Variants in ATP11C observed in about 807,000 individuals in gnomAD.
The protein encoded by ATP11C is phospholipid-transporting ATPase IG.
In ATP11C, 36 loss-of-function variants were observed where a neutral mutation model predicts 97.4. That is an observed-to-expected ratio of 0.37 (90% CI 0.28 to 0.49). ATP11C has a LOEUF of 0.49. ATP11C is among the 20% of genes least tolerant of loss of function. ATP11C has a pLI of 0.98. For synonymous variants in ATP11C, 275 were observed against 290.9 expected (o/e 0.95, Z 0.56); for missense variants, 730 against 824.6 (o/e 0.89, Z 1.40).
chrX:139,846,006 T>C lies in ATP11C; in HGVS notation c.28-19183A>G, dbSNP rs190948131. Among the ~76,000 whole-genome samples, 3 of 112,200 alleles carry C rather than the reference T, an allele frequency of 2.7e-5. No homozygotes were observed. The East Asian group carries it at 8.4e-4, about 31-fold the overall frequency. ...GGGGATCTCTGTCACATAAACTTCA[T>C]TATGGATCTTCGGGTTTCACTATGA... On this transcript the variant is annotated intron_variant, in intron 1 of 29. Transcript: ENST00000682941.
chrX:139,762,796 GA>G (rs11409380), intron 21 of ATP11C, among the ~76,000 whole-genome samples: 1 of 109,936 alleles, frequency 9.1e-6, no homozygotes, highest in Non-Finnish European at 1.9e-5. Flanking sequence ...CCAGAGAAGG[GA>G]AAAAAAATGG....
chrX:139,799,644 C>CTTTTTTTTTT (rs754371113), intron 8 of ATP11C, among the ~76,000 whole-genome samples: 12 of 60,369 alleles, frequency 2.0e-4, no homozygotes, highest in African/African-American at 3.2e-4. Context: ...CTTTATATTC[C>CTTTTTTTTTT]TTTTTTTTTT....
chrX:139,907,432 G>C (rs2084997412), intron 1 of ATP11C, among the ~76,000 whole-genome samples: 1 of 111,633 alleles, frequency 9.0e-6, no homozygotes, highest in African/African-American at 3.3e-5. Context: ...AACACAGCCT[G>C]GAATGGTGGA....
intron 2 of ATP11C, among the ~76,000 whole-genome samples, chrX:139,824,895 C>T (rs1360200306): frequency 9.0e-6 from 1 of 111,352 alleles, no homozygotes; most frequent in African/African-American, 3.3e-5. Context: ...TGGAAGGCAG[C>T]TAACATATTC....
Position 139,770,862 on chromosome X carries a change from T to G in ATP11C, c.2217-2428A>C, listed in dbSNP as rs910238497. On this transcript the variant is annotated intron_variant, in intron 19 of 29. Coordinates refer to ENST00000682941, the MANE Select transcript of ATP11C (RefSeq NM_001353812.2). The stretch of plus-strand genomic sequence containing the variant: ...TGCTATAGACTGAATTGTGTTCCCC[T>G]GCAAATTCATGCTGAAGCCCTACCC... Among the ~76,000 whole-genome samples, 4 of 111,987 alleles carry G rather than the reference T, an allele frequency of 3.6e-5. No individual in the cohort carries two copies. The East Asian group carries it at 1.1e-3, about 31-fold the overall frequency.
chrX:139,862,089 G>C (rs1311172050), intron 1 of ATP11C, among the ~76,000 whole-genome samples: 1 of 111,338 alleles, frequency 9.0e-6, no homozygotes, highest in Non-Finnish European at 1.9e-5. Context: ...ATTTCTACAT[G>C]GTTGTATTTA....
At chrX:139,887,780 G>A (rs1178131301) in intron 1 of ATP11C, among the ~76,000 whole-genome samples, 1 of 110,218 alleles carries the variant, frequency 9.1e-6, no homozygotes, top group Non-Finnish European at 1.9e-5. Context: ...CAACCAGCCT[G>A]GGCAACAAGG....
chrX:139,839,472 T>A (rs2083795827), intron 1 of ATP11C, among the ~76,000 whole-genome samples: 1 of 111,855 alleles, frequency 8.9e-6, no homozygotes, highest in African/African-American at 3.3e-5. Flanking sequence ...ATTCAACCAA[T>A]ATTTATTGAG....
intron 1 of ATP11C, among the ~76,000 whole-genome samples, chrX:139,890,243 C>T (rs2084706720): frequency 9.0e-6 from 1 of 111,226 alleles, no homozygotes; most frequent in South Asian, 3.8e-4. Flanking sequence ...ATGGTCAAAA[C>T]AGTGTGGTTT....
At chrX:139,859,213 G>C (rs1479753080) in intron 1 of ATP11C, among the ~76,000 whole-genome samples, 1 of 111,761 alleles carries the variant, frequency 8.9e-6, no homozygotes, top group African/African-American at 3.3e-5. Context: ...GGATAGGCAG[G>C]AGGGATGGCT....
At chrX:139,926,535 G>GT (rs2085354403) in intron 1 of ATP11C, among the ~76,000 whole-genome samples, 1 of 111,662 alleles carries the variant, frequency 9.0e-6, no homozygotes, top group African/African-American at 3.3e-5. Flanking sequence ...TCAGCAGGTG[G>GT]TAAACTGGCA....
At chrX:139,749,526 T>C (rs768364488) in intron 24 of ATP11C, among the ~76,000 whole-genome samples, 288 of 111,890 alleles carry the variant, frequency 2.6e-3, no homozygotes, top group Non-Finnish European at 4.6e-3. Context: ...TGACACAAAA[T>C]GAATACAATG....
At chrX:139,806,524 T>C (rs958725251) in intron 5 of ATP11C, among the ~76,000 whole-genome samples, 2 of 111,468 alleles carry the variant, frequency 1.8e-5, no homozygotes, top group African/African-American at 6.5e-5. Context: ...TGACCAAGCA[T>C]AGAAGGAAGA....
intron 20 of ATP11C, among the ~76,000 whole-genome samples, chrX:139,765,588 GAGAA>G (rs1306446491): frequency 1.8e-5 from 2 of 112,031 alleles, no homozygotes; most frequent in Non-Finnish European, 3.8e-5. Context: ...TCGCATAGAT[GAGAA>G]AGAAAGAAAG....
chrX:139,927,218 G>T (rs1221692718), intron 1 of ATP11C, among the ~76,000 whole-genome samples: 1 of 111,582 alleles, frequency 9.0e-6, no homozygotes. Flanking sequence ...TACGACCCCA[G>T]GATTGACTGC....
chrX:139,877,806 G>A (rs1352237457), intron 1 of ATP11C, among the ~76,000 whole-genome samples: 3 of 112,196 alleles, frequency 2.7e-5, no homozygotes, highest in Non-Finnish European at 3.8e-5. Context: ...TGGATCGCTT[G>A]GGGCCAGGAG....
chrX:139,812,902 G>A lies in ATP11C; in HGVS notation c.426+1976C>T, dbSNP rs141767077. Reference sequence around the variant, plus strand: ...TTCAGATCTTAACCTAACCTAGTTCGGCACAAGTTCCCCCTTGACCAGGAT... The same window carrying A: ...TTCAGATCTTAACCTAACCTAGTTCAGCACAAGTTCCCCCTTGACCAGGAT... On this transcript the variant is annotated intron_variant, in intron 5 of 29. Coordinates refer to ENST00000682941, the MANE Select transcript of ATP11C (RefSeq NM_001353812.2). Among the ~76,000 whole-genome samples, 381 of 111,369 alleles carry A rather than the reference G, an allele frequency of 3.4e-3. 2 individuals carry two copies. The highest frequency in any genetic ancestry group is 9.3e-3 in the Middle Eastern group (2 of 214).
intron 1 of ATP11C, among the ~76,000 whole-genome samples, chrX:139,885,273 A>C (rs892493254): frequency 9.0e-6 from 1 of 110,777 alleles, no homozygotes; most frequent in African/African-American, 3.3e-5. Flanking sequence ...CTGCATTTAA[A>C]TTCTGACCGC....
rs975716257 is a variant in ATP11C, at chrX:139,763,253, C to A, written c.2494+63G>T. 3 of 897,411 alleles carry A rather than the reference C, an allele frequency of 3.3e-6. No homozygotes were observed. In the African/African-American group the frequency reaches 5.9e-5, roughly 18 times the overall value. The allele number at this position is 897,411 out of a possible 1,213,427, so 74.0% of individuals were successfully genotyped here. On this transcript the variant is annotated intron_variant, in intron 21 of 29. Transcript: ENST00000682941. ...AAAACAGTCACTCTAGAATGTAAGA[C>A]CACACTACCTAAAAGCAATACTGAT...
Sources: allele counts gnomAD v4.1 joint callset (sites outside exome capture counted in the v4.1 genomes callset), GRCh38; gene constraint gnomAD v4.1.1; transcripts MANE v1.5; gene names NCBI Gene and HGNC (gene_info 2026-07-23, HGNC 2026-07-21).